The following CFAP97 variants were observed in gnomAD, a reference collection of about 807,000 sequenced individuals.
CFAP97 encodes the protein cilia- and flagella-associated protein 97.
Under a neutral mutation model 43.1 loss-of-function variants are expected in CFAP97, and 36 were observed. The observed-to-expected ratio is 0.84, with a 90% CI of 0.64 to 1.10. The LOEUF (loss-of-function observed/expected upper bound fraction) is 1.10, where lower values mean the gene tolerates loss of function less well. CFAP97 is among the 50% of genes least tolerant of loss of function. The pLI is 0.00. For synonymous variants in CFAP97, 228 were observed against 225.7 expected (o/e 1.01, Z -0.09); for missense variants, 657 against 620.3 (o/e 1.06, Z -0.63).
chr4:185,209,828 T>C, upstream of CFAP97: 5 of 983,194 alleles, frequency 5.1e-6, no homozygotes, highest in Non-Finnish European at 6.0e-6. This position sits in a 1 kb window ranked among gnomAD's most constrained non-coding sequence, Gnocchi z 5.2. Context: ...GGAAGCAGCA[T>C]GCACCCCGAT....
chr4:185,194,906 A>G (rs532761675), intron 1 of CFAP97, among the ~76,000 whole-genome samples: 2 of 152,214 alleles, frequency 1.3e-5, no homozygotes, highest in East Asian at 1.9e-4. Flanking sequence ...AATTAGGCAC[A>G]TAAGTGATGA....
At position 185,197,520 on chromosome 4, in the gene CFAP97, C is replaced by T. The variant is rs150265153; in HGVS notation, c.-16-6308G>A. Among the ~76,000 whole-genome samples the T allele has an allele frequency of 3.0e-3, 456 of 152,198 alleles. 17 individuals carry two copies. In the South Asian group the frequency reaches 0.062, roughly 21 times the overall value. On this transcript the variant is annotated intron_variant, in intron 1 of 4. Coordinates refer to ENST00000458385, the MANE Select transcript of CFAP97 (RefSeq NM_020827.3). ...TCGGCTCACCGCAACCTCAGACTCC[C>T]TGCTTCAAGGGATTCTCCTGCCTCA...
At chr4:185,205,380 G>A (rs919048376), upstream of CFAP97, among the ~76,000 whole-genome samples, 4 of 152,028 alleles carry the variant, frequency 2.6e-5, no homozygotes, top group East Asian at 1.9e-4. Flanking sequence ...CTTGAACTCC[G>A]GAGGTGGAGG....
At chr4:185,183,761 G>A (rs78953635) in intron 2 of CFAP97, among the ~76,000 whole-genome samples, 4,527 of 152,262 alleles carry the variant, frequency 0.03, 102 homozygotes, top group Middle Eastern at 0.071. Flanking sequence ...AATAACAGAT[G>A]TACCAACTGG....
chr4:185,192,444 G>A (rs1736304469), intron 1 of CFAP97, among the ~76,000 whole-genome samples: 1 of 152,114 alleles, frequency 6.6e-6, no homozygotes, highest in Admixed American at 6.5e-5. Context: ...TCAGGGGGCA[G>A]GGGCCACTGA....
upstream of CFAP97, among the ~76,000 whole-genome samples, chr4:185,206,980 C>G (rs1737214540): frequency 6.6e-6 from 1 of 152,062 alleles, no homozygotes; most frequent in African/African-American, 2.4e-5. Flanking sequence ...TTCTGATGTC[C>G]AAGGATGGGA....
rs116404490 is a variant in CFAP97, at chr4:185,179,153, C to T, written c.1055-3102G>A. 2.2e-3 allele frequency among the ~76,000 whole-genome samples: 328 copies of T among 151,946 alleles called. 1 individual carries two copies. Among genetic ancestry groups the T allele is most frequent in the African/African-American group, 7.6e-3 (314 of 41,234 alleles). On this transcript the variant is annotated intron_variant, in intron 2 of 4. Transcript: ENST00000458385. Reference sequence around the variant, plus strand: ...TACTCAAAGAGCCATGGCTGAGAAACCAACACCTGAGGAATCTCAGCTGCA... The same window carrying T: ...TACTCAAAGAGCCATGGCTGAGAAATCAACACCTGAGGAATCTCAGCTGCA...
chr4:185,169,096 T>C (rs920893554), intron 3 of CFAP97: 2 of 152,222 alleles, frequency 1.3e-5, no homozygotes, highest in East Asian at 1.9e-4. Flanking sequence ...TCTTAGCAAA[T>C]GTCAAGTACC....
chr4:185,182,819 G>T (rs777317015), intron 2 of CFAP97, among the ~76,000 whole-genome samples: 1 of 152,156 alleles, frequency 6.6e-6, no homozygotes, highest in South Asian at 2.1e-4. Flanking sequence ...CAACAAACGG[G>T]CTGGGCGTGG....
At chr4:185,182,274 T>C (rs1223273393) in intron 2 of CFAP97, 1 of 152,098 alleles carries the variant, frequency 6.6e-6, no homozygotes, top group Admixed American at 6.6e-5. Context: ...TACTCCATTT[T>C]TTTAATGCCC....
intron 1 of CFAP97, among the ~76,000 whole-genome samples, chr4:185,203,511 C>A (rs1217378593): frequency 6.6e-6 from 1 of 152,196 alleles, no homozygotes; most frequent in Non-Finnish European, 1.5e-5. Context: ...ACATCCCCTA[C>A]CGTCCCCGGA....
intron 3 of CFAP97, chr4:185,169,640 G>C (rs1735215475): frequency 1.0e-6 from 1 of 984,736 alleles, no homozygotes; most frequent in African/African-American, 1.7e-5. Context: ...CCCATCTTTT[G>C]ATGTTTAAAC....
At chr4:185,200,313 T>C (rs3108275) in intron 1 of CFAP97, among the ~76,000 whole-genome samples, 76,747 of 151,958 alleles carry the variant, frequency 0.51, 19,612 homozygotes, top group East Asian at 0.6. Context: ...CTGGACAACA[T>C]AGTGAGATCC....
chr4:185,175,135 A>C (rs2111341203), intron 3 of CFAP97, among the ~76,000 whole-genome samples: 1 of 152,340 alleles, frequency 6.6e-6, no homozygotes, highest in Non-Finnish European at 1.5e-5. Context: ...TGAATACTTC[A>C]CAGAAGAAAC....
At chr4:185,208,263 G>A (rs554198302), upstream of CFAP97, among the ~76,000 whole-genome samples, 43 of 151,892 alleles carry the variant, frequency 2.8e-4, no homozygotes, top group Middle Eastern at 3.4e-3. Context: ...TGATCTGCCC[G>A]CCTCAGCCTC....
At chr4:185,185,633 CT>C (rs376786641) in intron 2 of CFAP97, among the ~76,000 whole-genome samples, 825 of 105,982 alleles carry the variant, frequency 7.8e-3, no homozygotes, top group African/African-American at 0.023. Context: ...ATTTGCCAAC[CT>C]TTTTTTTTTT....
At chr4:185,179,106 C>T (rs1419310322) in intron 2 of CFAP97, among the ~76,000 whole-genome samples, 1 of 152,120 alleles carries the variant, frequency 6.6e-6, no homozygotes, top group Non-Finnish European at 1.5e-5. Flanking sequence ...CATCCCTAGT[C>T]TTTCCCAGGA....
Position 185,191,216 on chromosome 4 carries a change from A to G in CFAP97, c.-16-4T>C. On this transcript the variant is annotated splice_polypyrimidine_tract_variant and splice_region_variant and intron_variant, in intron 1 of 4. Transcript: ENST00000458385. ...ATCCATGATGGCAAAAATATATCTG[A>G]AAAAAAAATGTAAACATCAGACTAA... is the stretch of plus-strand genomic sequence containing the variant. 7.5e-7 allele frequency: 1 copy of G among 1,330,340 alleles called. No individual in the cohort carries two copies. Among genetic ancestry groups the G allele is most frequent in the Non-Finnish European group, 9.6e-7 (1 of 1,042,082 alleles). 82.4% of individuals were successfully genotyped at this position (1,330,340 alleles called of 1,614,324 possible). A position where few individuals can be genotyped will look rare whatever the true frequency, so the allele number is the denominator to read the frequency against.
intron 2 of CFAP97, among the ~76,000 whole-genome samples, chr4:185,178,167 T>C (rs2111350528): frequency 6.6e-6 from 1 of 151,758 alleles, no homozygotes; most frequent in Non-Finnish European, 1.5e-5. Context: ...ACAAGGCTTC[T>C]AGATTATAAG....
Sources: gnomAD v4.1 joint callset for allele counts (sites outside exome capture counted in the v4.1 genomes callset) on GRCh38, gnomAD v4.1.1 for gene constraint, Gnocchi (gnomAD v3.1) non-coding constraint, MANE v1.5 for transcripts, NCBI Gene and HGNC (gene_info 2026-07-23, HGNC 2026-07-21) for gene names.